The following RIF1 variants were observed in gnomAD, a reference collection of about 807,000 sequenced individuals.
The protein encoded by RIF1 is telomere-associated protein RIF1.
In RIF1, 45 loss-of-function variants were observed where a neutral mutation model predicts 247.1. The observed-to-expected ratio is 0.18, with a 90% CI of 0.14 to 0.23. The LOEUF is 0.23. Among genes scored for constraint, RIF1 ranks in the 10% least tolerant of loss-of-function variants. The pLI is 1.00. For synonymous variants in RIF1, 1,087 were observed against 978.8 expected (o/e 1.11, Z -2.06); for missense variants, 2,967 against 2,862.5 (o/e 1.04, Z -0.83).
rs143188259 is a variant in RIF1 at position 151,443,309 on chromosome 2, A to G, written c.1785A>G (p.Glu595=). 3.2e-4 allele frequency: 518 copies of G among 1,598,874 alleles called. 2 individuals carry two copies. The African/African-American group carries it at 6.4e-3, about 20-fold the overall frequency. Residue 595 remains glutamate (E), a synonymous_variant, in exon 17 of 36, where the codon GAA becomes GAG. Transcript: ENST00000444746. The stretch of plus-strand genomic sequence containing the variant: ...AATTAATTTTCAACAATTTCTTGGA[A>G]TGTGGTGTATCAGATGAAAGGTAAG... ...LIQLIFNNFL[E]CGVSDERFFL... is the part of the protein sequence containing the mutation.
exon 14 of RIF1, chr2:151,507,771 T>C (rs1374399673): frequency 2.1e-6 from 1 of 481,736 alleles, no homozygotes; most frequent in African/African-American, 1.9e-5. Flanking sequence ...GAAAAGATAC[T>C]ATATTTTCTC....
In RIF1 at chr2:151,428,122, G is replaced by T. The variant is rs140018288; in HGVS notation, c.787-662G>T. ...TATTAGCCAGTAATCCCAGCTACTTGGAAGGCTGAGGCAGGAGAATCACTT... is the reference window on the plus strand; with the variant it reads ...TATTAGCCAGTAATCCCAGCTACTTTGAAGGCTGAGGCAGGAGAATCACTT... On this transcript the variant is annotated intron_variant, in intron 8 of 35. Coordinates refer to ENST00000444746, the MANE Select transcript of RIF1 (RefSeq NM_018151.5). Among the ~76,000 whole-genome samples, 348 of 152,240 alleles carry T rather than the reference G, an allele frequency of 2.3e-3. 9 individuals are homozygous for T. The East Asian group carries it at 0.046, about 20-fold the overall frequency.
At chr2:151,503,570 CA>C (rs1211483635) in intron 12 of RIF1, 4 of 592,304 alleles carry the variant, frequency 6.8e-6, no homozygotes, top group Admixed American at 3.3e-5. Context: ...ATTCAAGGAA[CA>C]GGGGGGAAAA....
At chr2:151,531,096 A>C in the RIF1 span, 1 of 1,594,514 alleles carries the variant, frequency 6.3e-7, no homozygotes. Context: ...CCAATTTATA[A>C]AGGATCTGAA....
At chr2:151,462,194 A>T in intron 27 of RIF1, 48 bp from the exon 28 acceptor site, 1 of 1,284,344 alleles carries the variant, frequency 7.8e-7, no homozygotes, top group East Asian at 2.4e-5. Flanking sequence ...TTCTAATTGT[A>T]AGAATATCAT....
chr2:151,492,397 T>C (rs1198673114), intron 9 of RIF1: 3 of 1,603,250 alleles, frequency 1.9e-6, no homozygotes, highest in African/African-American at 2.7e-5. Flanking sequence ...CGTTGAGATG[T>C]GCCGTTGGGT....
At chr2:151,515,077 G>T in the RIF1 span, 1 of 617,782 alleles carries the variant, frequency 1.6e-6, no homozygotes, top group Non-Finnish European at 2.8e-6. Context: ...AAACATGTAT[G>T]ATTGTACTTG....
chr2:151,430,268 G>A (rs1227695523), intron 9 of RIF1, among the ~76,000 whole-genome samples: 3 of 152,006 alleles, frequency 2.0e-5, no homozygotes, highest in East Asian at 1.9e-4. Flanking sequence ...TGATCTGCCC[G>A]CCTCAGCCTC....
chr2:151,473,341 C>T (rs1012556383), intron 34 of RIF1, among the ~76,000 whole-genome samples: 1 of 146,086 alleles, frequency 6.8e-6, no homozygotes. Flanking sequence ...TCACCCAGGC[C>T]AGAGTGCAGG....
Position 151,463,645 on chromosome 2 carries a change from G to C in RIF1, c.4125G>C (p.Glu1375Asp), listed in dbSNP as rs766885300. The C allele has an allele frequency of 4.3e-6, 7 of 1,613,556 alleles. No homozygotes were observed. Among genetic ancestry groups the C allele is most frequent in the Admixed American group, 3.3e-5 (2 of 59,978 alleles). Residue 1375 changes from glutamate (E) to aspartate (D), a missense_variant, in exon 30 of 36, where the codon GAG becomes GAC. Transcript: ENST00000444746. ...TATTGGAAACTAATACTGTAGAGGA[G>C]AAAAATGTAGAAATTAATTTGGAAT... ...AVLLETNTVE[E>D]KNVEINLESK... is the part of the protein sequence containing the mutation.
chr2:151,529,408 G>T, the RIF1 span: 1 of 809,752 alleles, frequency 1.2e-6, no homozygotes, highest in Non-Finnish European at 2.1e-6. Flanking sequence ...CATGACTATA[G>T]TACACAATGC....
In RIF1 at chr2:151,430,177, C is replaced by T. The variant is rs191182635; in HGVS notation, c.925+1255C>T. 2.3e-4 allele frequency among the ~76,000 whole-genome samples: 35 copies of T among 151,994 alleles called. 1 individual carries two copies. The highest frequency in any genetic ancestry group is 4.2e-4 in the South Asian group (2 of 4,808). Reference sequence around the variant, plus strand: ...TTGGGATTACAGGTGCTCGTCACCACGCCCAGCTAATTTTTTTGTATTTTT... The same window carrying T: ...TTGGGATTACAGGTGCTCGTCACCATGCCCAGCTAATTTTTTTGTATTTTT... On this transcript the variant is annotated intron_variant, in intron 9 of 35. Coordinates refer to ENST00000444746, the MANE Select transcript of RIF1 (RefSeq NM_018151.5).
chr2:151,474,579 G>C (rs1412516534), intron 35 of RIF1, among the ~76,000 whole-genome samples: 1 of 152,198 alleles, frequency 6.6e-6, no homozygotes, highest in Non-Finnish European at 1.5e-5. Context: ...GGGAGGCTGA[G>C]GCGGGAGAAT....
exon 11 of RIF1, chr2:151,499,348 T>A (rs1245754241): frequency 6.5e-7 from 1 of 1,547,194 alleles, no homozygotes; most frequent in South Asian, 1.2e-5. Context: ...TCTGGAGTGA[T>A]GGGGATTGGA....
At chr2:151,524,167 G>A in the RIF1 span, 2 of 676,276 alleles carry the variant, frequency 3.0e-6, no homozygotes, top group South Asian at 1.9e-5. Flanking sequence ...GGCCCTCAGT[G>A]CACTTTTTAT....
chr2:151,423,325 T>A, intron 8 of RIF1: 1 of 295,018 alleles, frequency 3.4e-6, no homozygotes. Context: ...GTTTTAGTTC[T>A]CATACCTTAA....
chr2:151,461,935 A>G (rs888374625), intron 27 of RIF1, among the ~76,000 whole-genome samples: 11 of 151,742 alleles, frequency 7.2e-5, no homozygotes, highest in Middle Eastern at 3.2e-3. Context: ...GTGCAGTGGC[A>G]TGATCTCTGC....
chr2:151,528,167 G>A, the RIF1 span, among the ~76,000 whole-genome samples: 5 of 152,198 alleles, frequency 3.3e-5, no homozygotes, highest in South Asian at 4.1e-4. Context: ...AGAGGGGCTT[G>A]CATGCTTCCT....
At chr2:151,445,556 CTTT>C (rs978305023) in intron 19 of RIF1, 111 bp downstream of exon 19, 2 of 588,478 alleles carry the variant, frequency 3.4e-6, no homozygotes, top group Admixed American at 2.9e-5. Flanking sequence ...TTCTTTTTCT[CTTT>C]TTTTTTTGAG....
Sources: gnomAD v4.1 joint callset for allele counts (sites outside exome capture counted in the v4.1 genomes callset) on GRCh38, gnomAD v4.1.1 for gene constraint, MANE v1.5 for transcripts, NCBI Gene and HGNC (gene_info 2026-07-23, HGNC 2026-07-21) for gene names.